Variants in UNC5C observed in about 807,000 individuals in gnomAD.
UNC5C encodes the protein netrin receptor UNC5C.
UNC5C carries 47 observed loss-of-function variants against 99.8 expected under a neutral mutation model. That is an observed-to-expected ratio of 0.47 (90% CI 0.37 to 0.60). The LOEUF (loss-of-function observed/expected upper bound fraction) is 0.60, where lower values mean the gene tolerates loss of function less well. Among genes scored for constraint, UNC5C ranks in the 20% least tolerant of loss-of-function variants. The probability of loss-of-function intolerance (pLI) is 0.00; values close to 1 mark genes in which losing one functional copy is unlikely to be tolerated. For synonymous variants in UNC5C, 487 were observed against 452.2 expected (o/e 1.08, Z -0.98); for missense variants, 1,062 against 1,165.9 (o/e 0.91, Z 1.30).
chr4:95,244,306 G>A (rs1363653718), intron 6 of UNC5C, among the ~76,000 whole-genome samples: 1 of 152,058 alleles, frequency 6.6e-6, no homozygotes, highest in Non-Finnish European at 1.5e-5. Context: ...TATTATCTTC[G>A]ATTTACCTAG....
intron 1 of UNC5C, among the ~76,000 whole-genome samples, chr4:95,532,792 T>C (rs1722684225): frequency 6.6e-6 from 1 of 151,684 alleles, no homozygotes; most frequent in African/African-American, 2.4e-5. Flanking sequence ...TTTGGGAGGG[T>C]TCATGGTCCG....
At chr4:95,403,459 T>C (rs1412179488) in intron 1 of UNC5C, among the ~76,000 whole-genome samples, 1 of 152,190 alleles carries the variant, frequency 6.6e-6, no homozygotes, top group Non-Finnish European at 1.5e-5. Flanking sequence ...CCACTGAAAG[T>C]TTCATTTCAG....
intron 3 of UNC5C, among the ~76,000 whole-genome samples, chr4:95,283,161 C>A (rs1202761384): frequency 6.6e-6 from 1 of 152,094 alleles, no homozygotes; most frequent in Non-Finnish European, 1.5e-5. Flanking sequence ...GAATATGGTG[C>A]AATTTTTGGC....
chr4:95,222,333 G>C, intron 7 of UNC5C: 1 of 898,688 alleles, frequency 1.1e-6, no homozygotes, highest in Non-Finnish European at 1.6e-6. Context: ...AAGAAAATAG[G>C]AAGCATGAAA....
intron 12 of UNC5C, among the ~76,000 whole-genome samples, chr4:95,188,678 T>G (rs766262646): frequency 2.0e-5 from 3 of 152,242 alleles, no homozygotes; most frequent in Non-Finnish European, 4.4e-5. Flanking sequence ...GATACAGATA[T>G]GTAAGAGGAC....
intron 1 of UNC5C, among the ~76,000 whole-genome samples, chr4:95,483,401 A>T (rs944648420): frequency 6.6e-6 from 1 of 151,846 alleles, no homozygotes; most frequent in African/African-American, 2.4e-5. Flanking sequence ...AAATGTGTAC[A>T]TATATAATAA....
At position 95,344,571 on chromosome 4, in the gene UNC5C, TA is replaced by T. The variant is rs1347694089; in HGVS notation, c.125-8941del. Among the ~76,000 whole-genome samples the T allele has an allele frequency of 9.1e-4, 138 of 152,242 alleles. 1 individual carries two copies. Among genetic ancestry groups the T allele is most frequent in the African/African-American group, 3.2e-3 (132 of 41,578 alleles). On this transcript the variant is annotated intron_variant, in intron 1 of 15. Coordinates refer to ENST00000453304, the MANE Select transcript of UNC5C (RefSeq NM_003728.4). Reference sequence around the variant, plus strand: ...ATTATAACGTTATAATTCTGGTATGTAATCTACTCATATTTTGAGTAGAAAG... The same window carrying T: ...ATTATAACGTTATAATTCTGGTATGTATCTACTCATATTTTGAGTAGAAAG...
intron 12 of UNC5C, among the ~76,000 whole-genome samples, chr4:95,186,029 G>A (rs1736815836): frequency 6.6e-6 from 1 of 152,136 alleles, no homozygotes; most frequent in Admixed American, 6.5e-5. Context: ...GCTAGTTAAT[G>A]GGAGTTAATG....
chr4:95,361,284 T>C (rs1365301529), intron 1 of UNC5C, among the ~76,000 whole-genome samples: 1 of 152,218 alleles, frequency 6.6e-6, no homozygotes, highest in African/African-American at 2.4e-5. Context: ...GTTGTTTTCA[T>C]ACTCTGTTTT....
At chr4:95,369,822 G>A (rs959463025) in intron 1 of UNC5C, among the ~76,000 whole-genome samples, 2 of 151,832 alleles carry the variant, frequency 1.3e-5, no homozygotes, top group African/African-American at 4.8e-5. Flanking sequence ...AAATAGGAAG[G>A]ACGGCATTGC....
At chr4:95,298,554 G>A (rs1320311586) in intron 3 of UNC5C, among the ~76,000 whole-genome samples, 1 of 152,018 alleles carries the variant, frequency 6.6e-6, no homozygotes, top group African/African-American at 2.4e-5. Flanking sequence ...ATTCCCTCTT[G>A]CCCCTCCTTC....
chr4:95,353,268 T>C (rs1744052571), intron 1 of UNC5C, among the ~76,000 whole-genome samples: 2 of 152,258 alleles, frequency 1.3e-5, no homozygotes, highest in South Asian at 4.1e-4. Flanking sequence ...AAACTTTTCA[T>C]TTTAAGTGAA....
chr4:95,279,791 G>A (rs1740987600), intron 3 of UNC5C, among the ~76,000 whole-genome samples: 1 of 152,116 alleles, frequency 6.6e-6, no homozygotes, highest in South Asian at 2.1e-4. Flanking sequence ...AGACTCTAGA[G>A]CAGTGGTCCC....
intron 1 of UNC5C, among the ~76,000 whole-genome samples, chr4:95,412,928 C>T (rs1264230156): frequency 1.3e-5 from 2 of 152,136 alleles, no homozygotes; most frequent in Non-Finnish European, 2.9e-5. Context: ...CCTAATTTTC[C>T]CTGGCATGAG....
intron 1 of UNC5C, among the ~76,000 whole-genome samples, chr4:95,464,597 G>A (rs1297498952): frequency 6.6e-6 from 1 of 152,056 alleles, no homozygotes; most frequent in Non-Finnish European, 1.5e-5. Context: ...ATTAAATAGA[G>A]GATAACATTT....
chr4:95,273,799 A>T (rs1740751483), intron 4 of UNC5C, among the ~76,000 whole-genome samples: 1 of 151,800 alleles, frequency 6.6e-6, no homozygotes, highest in Non-Finnish European at 1.5e-5. Flanking sequence ...AGTGTCTCCC[A>T]CTCCCAGTGG....
At position 95,335,051 on chromosome 4, in the gene UNC5C, C is replaced by A. The variant is rs192063330; in HGVS notation, c.346+359G>T. Reference sequence around the variant, plus strand: ...GTTCAATTTATCCAAGTTAAAAATGCTCCCCAGATCTCGGGATATTTAGAT... The same window carrying A: ...GTTCAATTTATCCAAGTTAAAAATGATCCCCAGATCTCGGGATATTTAGAT... On this transcript the variant is annotated intron_variant, in intron 2 of 15. Transcript: ENST00000453304. Among the ~76,000 whole-genome samples the A allele has an allele frequency of 2.6e-3, 394 of 152,062 alleles. 1 individual carries two copies. Among genetic ancestry groups the A allele is most frequent in the Non-Finnish European group, 3.5e-3 (238 of 67,896 alleles).
intron 7 of UNC5C, chr4:95,222,232 G>C: frequency 6.7e-7 from 1 of 1,500,128 alleles, no homozygotes; most frequent in Non-Finnish European, 8.8e-7. Flanking sequence ...ATTCATTCTG[G>C]GTTCTCTGTT....
chr4:95,406,900 A>C (rs1429572936), intron 1 of UNC5C, among the ~76,000 whole-genome samples: 3 of 152,236 alleles, frequency 2.0e-5, no homozygotes, highest in Non-Finnish European at 2.9e-5. Context: ...TCAAAAATGC[A>C]AACATTTGCC....
Sources: gnomAD v4.1 joint callset for allele counts (sites outside exome capture counted in the v4.1 genomes callset) on GRCh38, gnomAD v4.1.1 for gene constraint, MANE v1.5 for transcripts, NCBI Gene and HGNC (gene_info 2026-07-23, HGNC 2026-07-21) for gene names.